The following RSBN1L variants were observed in gnomAD, a reference collection of about 807,000 sequenced individuals.
RSBN1L encodes round spermatid basic protein 1 like, also known as lysine-specific demethylase RSBN1L.
Under a neutral mutation model 67.7 loss-of-function variants are expected in RSBN1L, and 30 were observed. The ratio of observed to expected loss-of-function variants is 0.44; its 90% CI spans 0.33 to 0.60. The LOEUF (loss-of-function observed/expected upper bound fraction) is 0.60. Ranked by LOEUF, RSBN1L falls within the 20% of genes least tolerant of loss-of-function variation. The pLI is 0.02. For synonymous variants in RSBN1L, 433 were observed against 387.0 expected, an observed-to-expected ratio of 1.12 and a Z score of -1.39; for missense variants, 992 against 1,031.7, an observed-to-expected ratio of 0.96 and a Z score of 0.53.
intron 1 of RSBN1L, among the ~76,000 whole-genome samples, chr7:77,721,147 T>G (rs1488328698): frequency 1.3e-5 from 2 of 152,088 alleles, no homozygotes; most frequent in Non-Finnish European, 2.9e-5. Flanking sequence ...TTCTGTTTCT[T>G]GCCTTGAGAT....
chr7:77,763,315 GA>G (rs1011589861), intron 3 of RSBN1L, among the ~76,000 whole-genome samples: 4 of 151,946 alleles, frequency 2.6e-5, no homozygotes, highest in African/African-American at 9.7e-5. Context: ...AAAGCACTTG[GA>G]AAATTTGTGT....
intron 1 of RSBN1L, among the ~76,000 whole-genome samples, chr7:77,730,547 C>G (rs925145775): frequency 2.6e-5 from 4 of 152,184 alleles, no homozygotes; most frequent in African/African-American, 9.7e-5. Context: ...TGTGCTCTGC[C>G]TATTCATCCC....
chr7:77,728,317 A>T (rs1032922505), intron 1 of RSBN1L, among the ~76,000 whole-genome samples: 1 of 152,206 alleles, frequency 6.6e-6, no homozygotes, highest in Non-Finnish European at 1.5e-5. Flanking sequence ...ATAAAATTGT[A>T]TGTTAAAAAT....
chr7:77,740,514 C>G (rs1375013289), intron 2 of RSBN1L, among the ~76,000 whole-genome samples: 1 of 152,014 alleles, frequency 6.6e-6, no homozygotes. Context: ...AAAGCAGATT[C>G]GAATCCCAGA....
At chr7:77,764,545 G>A (rs1175947536) in intron 3 of RSBN1L, among the ~76,000 whole-genome samples, 2 of 152,082 alleles carry the variant, frequency 1.3e-5, no homozygotes, top group Admixed American at 6.6e-5. Context: ...CTCAAGGAAC[G>A]CAAATGATTT....
At chr7:77,772,736 T>C (rs1425428498) in intron 5 of RSBN1L, among the ~76,000 whole-genome samples, 1 of 145,826 alleles carries the variant, frequency 6.9e-6, no homozygotes, top group East Asian at 1.9e-4. Flanking sequence ...AGTTCTTAGA[T>C]AGTACCTAGC....
intron 1 of RSBN1L, among the ~76,000 whole-genome samples, chr7:77,735,786 A>C (rs1169883636): frequency 6.6e-6 from 1 of 152,134 alleles, no homozygotes; most frequent in Non-Finnish European, 1.5e-5. Context: ...TTTTGTTTGA[A>C]GTTTTAGAAT....
At chr7:77,751,074 T>C (rs1791550373) in intron 3 of RSBN1L, among the ~76,000 whole-genome samples, 2 of 152,198 alleles carry the variant, frequency 1.3e-5, no homozygotes, top group African/African-American at 4.8e-5. Context: ...CACATCCACA[T>C]GTACCCCGCC....
At chr7:77,770,652 G>C (rs1186958603) in intron 5 of RSBN1L, among the ~76,000 whole-genome samples, 1 of 152,076 alleles carries the variant, frequency 6.6e-6, no homozygotes, top group Non-Finnish European at 1.5e-5. Flanking sequence ...CTGCACTCCA[G>C]CCTGGGTGAC....
intron 1 of RSBN1L, among the ~76,000 whole-genome samples, chr7:77,709,741 G>A (rs1790948273): frequency 6.6e-6 from 1 of 151,948 alleles, no homozygotes. Context: ...TTGGTTTTGG[G>A]CCCTTTGTAC....
At chr7:77,775,579 A>G (rs1017635676) in intron 6 of RSBN1L, among the ~76,000 whole-genome samples, 15 of 151,934 alleles carry the variant, frequency 9.9e-5, no homozygotes, top group African/African-American at 3.4e-4. Flanking sequence ...TGGGTTATCA[A>G]GAAGTGTTGT....
At position 77,696,808 on chromosome 7, in the gene RSBN1L, C is replaced by T. The variant is rs771134335; in HGVS notation, c.339C>T (p.Pro113=). The T allele has an allele frequency of 2.5e-6, 4 of 1,613,728 alleles. No individual in the cohort carries two copies. The highest frequency in any genetic ancestry group is 1.7e-4 in the Middle Eastern group (1 of 6,058). Residue 113 remains proline, a synonymous_variant, in exon 1 of 8, where the codon CCC becomes CCT. Coordinates refer to ENST00000334955, the MANE Select transcript of RSBN1L (RefSeq NM_198467.3). ...CTTTCTCCGCTGGCACGGCCGTTCC[C>T]TCCTCAGCCTCCGCTTCCTTGTCTC... The part of the protein sequence containing the change: ...SFSFSAGTAV[P]SSASASLSQP...
chr7:77,736,380 T>G, intron 1 of RSBN1L, 30 bp from the exon 2 acceptor site: 2 of 947,818 alleles, frequency 2.1e-6, no homozygotes, highest in South Asian at 5.4e-5. Context: ...ATTTTTTCAT[T>G]TTAAATATTT....
chr7:77,703,477 G>GTT (rs71529102), intron 1 of RSBN1L, among the ~76,000 whole-genome samples: 2,212 of 61,608 alleles, frequency 0.036, 454 homozygotes, highest in East Asian at 0.17. Flanking sequence ...TACTGTTTGG[G>GTT]TTTTTTTTTT....
intron 1 of RSBN1L, among the ~76,000 whole-genome samples, chr7:77,714,136 A>AT (rs1491526819): frequency 1.3e-5 from 2 of 152,206 alleles, no homozygotes; most frequent in Non-Finnish European, 2.9e-5. Flanking sequence ...TAACACCCTC[A>AT]TTACTCTATC....
chr7:77,779,188 A>T lies in RSBN1L; in HGVS notation c.*20A>T. 6.6e-7 allele frequency: 1 copy of T among 1,525,094 alleles called. No homozygotes were observed. The highest frequency in any genetic ancestry group is 1.3e-5 in the South Asian group (1 of 78,312). 94.5% of individuals were successfully genotyped at this position (1,525,094 alleles called of 1,614,324 possible). A position where few individuals can be genotyped will look rare whatever the true frequency, so the allele number is the denominator to read the frequency against. On this transcript the variant is annotated 3_prime_UTR_variant, in exon 8 of 8. Transcript: ENST00000334955. Reference sequence around the variant, plus strand: ...TGCTAAATTTGCATATACCATCTAAAATCCTTTTTTAAAAAAATTTAATGT... The same window carrying T: ...TGCTAAATTTGCATATACCATCTAATATCCTTTTTTAAAAAAATTTAATGT...
At chr7:77,734,839 C>CT (rs1273282468) in intron 1 of RSBN1L, among the ~76,000 whole-genome samples, 1 of 152,064 alleles carries the variant, frequency 6.6e-6, no homozygotes, top group Non-Finnish European at 1.5e-5. Flanking sequence ...ATTTCAAGGA[C>CT]TTTAACATCA....
Position 77,696,760 on chromosome 7 carries a change from G to A in RSBN1L, c.291G>A (p.Pro97=). Residue 97 remains proline, a synonymous_variant, in exon 1 of 8, where the codon CCG becomes CCA. Transcript: ENST00000334955. ...CCCCTCTGTCTGCTGCTCCCTCCCC[G>A]TCCTCTTCTCGGAGCAGTTTCTCTT... ...SFAPLSAAPS[P]SSSRSSFSFS... 2 of 1,613,742 alleles carry A rather than the reference G, an allele frequency of 1.2e-6. No homozygotes were observed. Among genetic ancestry groups the A allele is most frequent in the Non-Finnish European group, 8.5e-7 (1 of 1,179,998 alleles).
intron 1 of RSBN1L, among the ~76,000 whole-genome samples, chr7:77,731,161 A>G (rs1791266886): frequency 6.6e-6 from 1 of 151,876 alleles, no homozygotes; most frequent in Non-Finnish European, 1.5e-5. Flanking sequence ...CTTATTTGCT[A>G]TCTGTATATC....
Sources: allele counts gnomAD v4.1 joint callset (sites outside exome capture counted in the v4.1 genomes callset), GRCh38; gene constraint gnomAD v4.1.1; transcripts MANE v1.5; gene names NCBI Gene and HGNC (gene_info 2026-07-23, HGNC 2026-07-21).